The following PIAS1 variants were observed in gnomAD, a reference collection of about 807,000 sequenced individuals.
PIAS1 encodes the protein E3 SUMO-protein ligase PIAS1.
A neutral mutation model predicts 71.3 loss-of-function variants in PIAS1; 6 were observed. The observed-to-expected ratio is 0.08, with a 90% confidence interval of 0.05 to 0.17. The LOEUF is 0.17. Among genes scored for constraint, PIAS1 ranks in the 10% least tolerant of loss-of-function variants. The pLI is 1.00. For synonymous variants in PIAS1, 303 were observed against 292.9 expected (o/e 1.03, Z -0.35); for missense variants, 555 against 793.6 (o/e 0.70, Z 3.61).
chr15:68,130,828 C>T (rs954269319), intron 2 of PIAS1, among the ~76,000 whole-genome samples: 2 of 152,066 alleles, frequency 1.3e-5, no homozygotes, highest in African/African-American at 4.8e-5. Context: ...TATATATCCT[C>T]TATCCAGAAG....
intron 2 of PIAS1, among the ~76,000 whole-genome samples, chr15:68,090,929 T>A (rs74020022): frequency 5.8e-5 from 8 of 137,782 alleles, no homozygotes; most frequent in African/African-American, 2.5e-4. Flanking sequence ...CATTTACGGG[T>A]GTGTGTGTGT....
Position 68,085,402 on chromosome 15 carries a change from A to G in PIAS1, c.25-904A>G, listed in dbSNP as rs566711735. Among the ~76,000 whole-genome samples, 4 of 152,330 alleles carry G rather than the reference A, an allele frequency of 2.6e-5. No homozygotes were observed. In the East Asian group the frequency reaches 7.7e-4, roughly 29 times the overall value. On this transcript the variant is annotated intron_variant, in intron 1 of 13. Coordinates refer to ENST00000249636, the MANE Select transcript of PIAS1 (RefSeq NM_016166.3). The stretch of plus-strand genomic sequence containing the variant: ...GGGAAAAAGGAGAAAGGGGGACTAA[A>G]TAAGTTTGCGAACATAGGTAAACAA...
At chr15:68,111,241 T>G (rs1246718497) in intron 2 of PIAS1, among the ~76,000 whole-genome samples, 1 of 152,216 alleles carries the variant, frequency 6.6e-6, no homozygotes, top group African/African-American at 2.4e-5. Context: ...TGTCAGCATC[T>G]GCTCAATCCT....
rs759209817 is a variant in PIAS1, at chr15:68,153,676, G to A, written c.915G>A (p.Pro305=). 4 of 1,552,330 alleles carry A rather than the reference G, an allele frequency of 2.6e-6. No individual in the cohort carries two copies. Among genetic ancestry groups the A allele is most frequent in the Non-Finnish European group, 1.8e-6 (2 of 1,124,442 alleles). The change falls in exon 7 of 14, where the codon CCG becomes CCA. Residue 305 remains proline (P), a synonymous_variant. Transcript: ENST00000249636. Reference sequence around the variant, plus strand: ...TACGAGCAAAGGGAATAAGGAATCCGGATCATTCTAGAGCTTTAAGTACGT... The same window carrying A: ...TACGAGCAAAGGGAATAAGGAATCCAGATCATTCTAGAGCTTTAAGTACGT... ...QRLRAKGIRN[P]DHSRALIKEK...
rs2093121785 is a variant in PIAS1 at position 68,191,843 on chromosome 15, C to T, written c.*4008C>T. On this transcript the variant is annotated 3_prime_UTR_variant, in exon 14 of 14. Transcript: ENST00000249636. ...TCCTCGGGTAGAGGTTTGAATCAAA[C>T]ACTTAATAGGATCTTAGACTCTGGA... The T allele has an allele frequency of 2.0e-5, 3 of 152,166 alleles. No homozygotes were observed. Among genetic ancestry groups the T allele is most frequent in the Admixed American group, 2.0e-4 (3 of 15,280 alleles). The allele number at this position is 152,166 out of a possible 1,614,324, so 9.4% of individuals were successfully genotyped here. A position where few individuals can be genotyped will look rare whatever the true frequency, so the allele number is the denominator to read the frequency against.
At chr15:68,109,051 C>T (rs2092498927) in intron 2 of PIAS1, among the ~76,000 whole-genome samples, 1 of 152,192 alleles carries the variant, frequency 6.6e-6, no homozygotes, top group African/African-American at 2.4e-5. Context: ...TGTTACCTGT[C>T]TGATATCATC....
chr15:68,100,433 C>G (rs2092413596), intron 2 of PIAS1, among the ~76,000 whole-genome samples: 1 of 152,166 alleles, frequency 6.6e-6, no homozygotes, highest in Non-Finnish European at 1.5e-5. Flanking sequence ...CTCTCTCTAG[C>G]CCCAGTGGTT....
Position 68,054,497 on chromosome 15 carries a change from C to A in PIAS1, c.24+147C>A. The A allele has an allele frequency of 1.3e-6, 1 of 752,906 alleles. No homozygotes were observed. Among genetic ancestry groups the A allele is most frequent in the Non-Finnish European group, 2.0e-6 (1 of 492,420 alleles). The allele number at this position is 752,906 out of a possible 1,614,324, so 46.6% of individuals were successfully genotyped here. On this transcript the variant is annotated intron_variant, in intron 1 of 13. Coordinates refer to ENST00000249636, the MANE Select transcript of PIAS1 (RefSeq NM_016166.3). The surrounding 1 kb of genome is among the most constrained non-coding windows in gnomAD (Gnocchi z 4.6). ...GTAGGGAGAGAGGCGCGCCCGGTCT[C>A]AGCAGAGGGGGCCCGCCTGCGGCGG...
rs1038130719 is a variant in PIAS1 at position 68,187,010 on chromosome 15, T to C, written c.1663-532T>C. 1.3e-5 allele frequency among the ~76,000 whole-genome samples: 2 copies of C among 152,270 alleles called. No homozygotes were observed. Among genetic ancestry groups the C allele is most frequent in the Non-Finnish European group, 1.5e-5 (1 of 68,044 alleles). ...GTATAATGTGTAGCCAAGAGAAAGA[T>C]AAATTTCCTTGGAAAACTTAGAGTA... On this transcript the variant is annotated intron_variant, in intron 13 of 13. Coordinates refer to ENST00000249636, the MANE Select transcript of PIAS1 (RefSeq NM_016166.3). The surrounding 1 kb of genome is among the most constrained non-coding windows in gnomAD (Gnocchi z 5.3).
At chr15:68,093,251 T>G (rs997441782) in intron 2 of PIAS1, among the ~76,000 whole-genome samples, 1 of 152,256 alleles carries the variant, frequency 6.6e-6, no homozygotes, top group Admixed American at 6.5e-5. Context: ...CTTTTTAGAC[T>G]TACATTTTAG....
intron 2 of PIAS1, among the ~76,000 whole-genome samples, chr15:68,119,165 C>G (rs530025731): frequency 1.1e-3 from 130 of 122,140 alleles, no homozygotes; most frequent in Non-Finnish European, 1.7e-3. Context: ...TTCGGGAGGC[C>G]GAGGTGGGTG....
intron 7 of PIAS1, among the ~76,000 whole-genome samples, chr15:68,159,875 G>A (rs1249497841): frequency 6.6e-6 from 1 of 152,064 alleles, no homozygotes; most frequent in Admixed American, 6.5e-5. Flanking sequence ...CATATGATAA[G>A]TATATATGGA....
At chr15:68,072,242 C>CA (rs1437354087) in intron 1 of PIAS1, among the ~76,000 whole-genome samples, 8 of 149,962 alleles carry the variant, frequency 5.3e-5, no homozygotes, top group East Asian at 2.0e-4. Context: ...ACTAAAAATA[C>CA]AAAAAAAATT....
chr15:68,180,452 A>G (rs1353435316), intron 11 of PIAS1, among the ~76,000 whole-genome samples: 1 of 125,470 alleles, frequency 8.0e-6, no homozygotes, highest in Non-Finnish European at 1.8e-5. Flanking sequence ...CTTTCCCTTA[A>G]TTGTTAGTAA....
intron 1 of PIAS1, among the ~76,000 whole-genome samples, chr15:68,074,634 A>G (rs2092137760): frequency 6.6e-6 from 1 of 152,204 alleles, no homozygotes; most frequent in African/African-American, 2.4e-5. Context: ...TTCACTTTCT[A>G]ATGTCCACAA....
rs2093097116 is a variant in PIAS1 at position 68,187,699 on chromosome 15, G to A, written c.1820G>A (p.Ser607Asn). Reference sequence around the variant, plus strand: ...ACTTCTCTGCCAACCACCAATGGAAGCAGTAGTGGCAGTAACAGCAGCCTG... The same window carrying A: ...ACTTCTCTGCCAACCACCAATGGAAACAGTAGTGGCAGTAACAGCAGCCTG... ...GSTSLPTTNGSSSGSNSSLVS... is the reference protein window; with the variant it reads ...GSTSLPTTNGNSSGSNSSLVS... Residue 607 changes from serine to asparagine, a missense_variant, in exon 14 of 14, where the codon AGC becomes AAC. Transcript: ENST00000249636. The surrounding 1 kb of genome is among the most constrained non-coding windows in gnomAD (Gnocchi z 5.3). The A allele has an allele frequency of 1.9e-6, 3 of 1,613,888 alleles. No homozygotes were observed. Among genetic ancestry groups the A allele is most frequent in the Non-Finnish European group, 2.5e-6 (3 of 1,179,902 alleles).
At chr15:68,169,620 A>AT (rs1183078506) in intron 8 of PIAS1, among the ~76,000 whole-genome samples, 1 of 152,208 alleles carries the variant, frequency 6.6e-6, no homozygotes, top group Non-Finnish European at 1.5e-5. Flanking sequence ...AAATACAAAG[A>AT]TTAAAATTGA....
chr15:68,065,861 C>T (rs543183219), intron 1 of PIAS1, among the ~76,000 whole-genome samples: 117 of 146,244 alleles, frequency 8.0e-4, no homozygotes, highest in Non-Finnish European at 1.2e-3. Flanking sequence ...CCACCTCAGC[C>T]TCCTGAGTAG....
At position 68,126,943 on chromosome 15, in the gene PIAS1, T is replaced by A. The variant is rs574369823; in HGVS notation, c.470-15003T>A. ...TTTTTTTGACTTATTTTAATTAATT[T>A]ATTTATTTTGAGATGAAATCTTGCT... On this transcript the variant is annotated intron_variant, in intron 2 of 13. Transcript: ENST00000249636. 5.9e-5 allele frequency among the ~76,000 whole-genome samples: 9 copies of A among 152,172 alleles called. No individual in the cohort carries two copies. The East Asian group carries it at 1.2e-3, about 20-fold the overall frequency.
Sources: allele counts gnomAD v4.1 joint callset (sites outside exome capture counted in the v4.1 genomes callset), GRCh38; gene constraint gnomAD v4.1.1; non-coding constraint Gnocchi (gnomAD v3.1); transcripts MANE v1.5; gene names NCBI Gene and HGNC (gene_info 2026-07-23, HGNC 2026-07-21).